STPG4: variants seen among roughly 807,000 people sequenced by gnomAD.
The protein encoded by STPG4 is sperm-tail PG-rich repeat containing 4.
In STPG4, 41 loss-of-function variants were observed where a neutral mutation model predicts 31.5. The ratio of observed to expected loss-of-function variants is 1.30; its 90% CI spans 1.01 to 1.69. STPG4 has a LOEUF of 1.69. Among genes scored for constraint, STPG4 ranks in the 40% most tolerant of loss-of-function variants. STPG4 has a pLI of 0.00. For synonymous variants in STPG4, 141 were observed against 103.0 expected, an observed-to-expected ratio of 1.37 and a Z score of -2.24; for missense variants, 375 against 293.4, an observed-to-expected ratio of 1.28 and a Z score of -2.03.
intron 5 of STPG4, among the ~76,000 whole-genome samples, chr2:47,107,797 C>T (rs1685949813): frequency 6.6e-6 from 1 of 151,704 alleles, no homozygotes; most frequent in Non-Finnish European, 1.5e-5. Context: ...ATTGTAAATA[C>T]ACCAATCAGC....
In STPG4 at chr2:47,110,829, C is replaced by T. The variant is rs959401346; in HGVS notation, c.519+19112G>A. On this transcript the variant is annotated intron_variant, in intron 5 of 6. Transcript: ENST00000445927. The stretch of plus-strand genomic sequence containing the variant: ...TTTCTGGTGCTATTTTAATAATTTT[C>T]CCAATCATTGTTTAAAATGGCTGCC... 1.1e-4 allele frequency among the ~76,000 whole-genome samples: 17 copies of T among 152,128 alleles called. 2 individuals are homozygous for T. Among genetic ancestry groups the T allele is most frequent in the Admixed American group, 1.0e-3 (16 of 15,278 alleles).
intron 6 of STPG4, among the ~76,000 whole-genome samples, chr2:47,089,974 T>C (rs1312258437): frequency 2.6e-5 from 4 of 152,216 alleles, no homozygotes; most frequent in Non-Finnish European, 5.9e-5. Flanking sequence ...ACAAAGCATC[T>C]AGTTGGTAAC....
At chr2:47,100,921 G>A (rs1426624522) in intron 5 of STPG4, among the ~76,000 whole-genome samples, 1 of 151,818 alleles carries the variant, frequency 6.6e-6, no homozygotes, top group African/African-American at 2.4e-5. Context: ...CTCACCACGA[G>A]GGTCCGCGGC....
At chr2:47,096,639 G>A (rs1685674781) in intron 5 of STPG4, among the ~76,000 whole-genome samples, 1 of 152,142 alleles carries the variant, frequency 6.6e-6, no homozygotes, top group Admixed American at 6.5e-5. Flanking sequence ...GACTGCTGCT[G>A]GGTTGAATGT....
intron 1 of STPG4, among the ~76,000 whole-genome samples, chr2:47,153,985 A>C (rs1686983103): frequency 6.6e-6 from 1 of 152,160 alleles, no homozygotes; most frequent in Non-Finnish European, 1.5e-5. Flanking sequence ...ATTTCAGCCC[A>C]TTGTCCACAG....
intron 3 of STPG4, among the ~76,000 whole-genome samples, chr2:47,147,559 A>G (rs1467222803): frequency 3.3e-5 from 5 of 152,196 alleles, no homozygotes; most frequent in African/African-American, 1.2e-4. Flanking sequence ...CTTGAAAAAC[A>G]TCTAAGGAGT....
At chr2:47,145,860 T>C (rs1686810710) in intron 3 of STPG4, among the ~76,000 whole-genome samples, 1 of 152,146 alleles carries the variant, frequency 6.6e-6, no homozygotes, top group Non-Finnish European at 1.5e-5. Flanking sequence ...TTGATAGCTA[T>C]AGATGCCAAG....
At chr2:47,121,979 A>G (rs377016384) in intron 5 of STPG4, among the ~76,000 whole-genome samples, 10 of 152,118 alleles carry the variant, frequency 6.6e-5, no homozygotes, top group Admixed American at 2.6e-4. Flanking sequence ...CATGTAAGGT[A>G]ACATCCATAG....
At chr2:47,109,139 C>T (rs1460431470) in intron 5 of STPG4, among the ~76,000 whole-genome samples, 2 of 152,180 alleles carry the variant, frequency 1.3e-5, no homozygotes, top group African/African-American at 4.8e-5. Context: ...TAAGAAAGTA[C>T]AGGAAATTCT....
At chr2:47,109,247 A>T (rs1240631829) in intron 5 of STPG4, among the ~76,000 whole-genome samples, 1 of 152,202 alleles carries the variant, frequency 6.6e-6, no homozygotes, top group Non-Finnish European at 1.5e-5. Context: ...GCCAGGATAA[A>T]CATCATTTTC....
In STPG4 at chr2:47,127,252, C is replaced by CTTTTTTTTTTTTTTTTTTT. The variant is rs57475505; in HGVS notation, c.519+2670_519+2688dup. 1.9e-4 allele frequency among the ~76,000 whole-genome samples: 11 copies of CTTTTTTTTTTTTTTTTTTT among 57,476 alleles called. 2 individuals are homozygous for CTTTTTTTTTTTTTTTTTTT. Among genetic ancestry groups the CTTTTTTTTTTTTTTTTTTT allele is most frequent in the African/African-American group, 4.1e-4 (4 of 9,674 alleles). 37.7% of individuals were successfully genotyped at this position (57,476 alleles called of 152,430 possible). ...CAAATAGCTTGTCTTCAAGCTAATT[C>CTTTTTTTTTTTTTTTTTTT]TTTTTTTTTTTTTTTTTTTTTTTTT... On this transcript the variant is annotated intron_variant, in intron 5 of 6. Transcript: ENST00000445927.
At chr2:47,120,438 A>G (rs1389569013) in intron 5 of STPG4, among the ~76,000 whole-genome samples, 3 of 152,136 alleles carry the variant, frequency 2.0e-5, no homozygotes, top group Non-Finnish European at 4.4e-5. Flanking sequence ...AATTTAGGAT[A>G]AGAATGTGGT....
At chr2:47,123,349 C>T (rs1038255405) in intron 5 of STPG4, among the ~76,000 whole-genome samples, 3 of 152,038 alleles carry the variant, frequency 2.0e-5, no homozygotes, top group Non-Finnish European at 2.9e-5. Flanking sequence ...ATATCTCTAG[C>T]GATTTAATTA....
At chr2:47,147,334 A>T (rs1686844000) in intron 3 of STPG4, among the ~76,000 whole-genome samples, 1 of 152,176 alleles carries the variant, frequency 6.6e-6, no homozygotes, top group Non-Finnish European at 1.5e-5. Flanking sequence ...ATGAGCAGTT[A>T]GGGGCAAGGG....
At chr2:47,112,596 A>G (rs188838940) in intron 5 of STPG4, among the ~76,000 whole-genome samples, 4 of 152,214 alleles carry the variant, frequency 2.6e-5, no homozygotes, top group African/African-American at 9.6e-5. Context: ...TCTCAAAAGT[A>G]TTTGAAGAGA....
At chr2:47,126,032 A>G (rs1686359299) in intron 5 of STPG4, among the ~76,000 whole-genome samples, 1 of 152,168 alleles carries the variant, frequency 6.6e-6, no homozygotes, top group African/African-American at 2.4e-5. Flanking sequence ...AGTTCACTGT[A>G]GATATATGGA....
intron 2 of STPG4, 26 bp downstream of exon 2, chr2:47,152,931 T>C (rs769777749): frequency 1.3e-6 from 2 of 1,501,476 alleles, no homozygotes; most frequent in East Asian, 2.3e-5. Context: ...ATAATGTGAA[T>C]AGGAAAGACT....
At chr2:47,144,641 C>T (rs1354565821) in intron 3 of STPG4, among the ~76,000 whole-genome samples, 2 of 151,992 alleles carry the variant, frequency 1.3e-5, no homozygotes, top group Non-Finnish European at 2.9e-5. Context: ...AAATGACATG[C>T]TAGGTTATTT....
rs72877056 is a variant in STPG4 at position 47,151,007 on chromosome 2, C to T, written c.399+251G>A. 1.5e-3 allele frequency among the ~76,000 whole-genome samples: 227 copies of T among 152,178 alleles called. 1 individual carries two copies. The highest frequency in any genetic ancestry group is 5.3e-3 in the African/African-American group (219 of 41,516). On this transcript the variant is annotated intron_variant, in intron 3 of 6. Transcript: ENST00000445927. ...GGTGCTCTCCAGGCTAGGGGAATCC[C>T]ACCAAGAGTTGCCCAAGAGGAAAAC...
Sources: gnomAD v4.1 joint callset for allele counts (sites outside exome capture counted in the v4.1 genomes callset) on GRCh38, gnomAD v4.1.1 for gene constraint, MANE v1.5 for transcripts, NCBI Gene and HGNC (gene_info 2026-07-23, HGNC 2026-07-21) for gene names.